The following SOX5 variants were observed in gnomAD, a reference collection of about 807,000 sequenced individuals.
The protein encoded by SOX5 is transcription factor SOX-5.
A neutral mutation model predicts 92.0 loss-of-function variants in SOX5; 9 were observed. The observed-to-expected ratio is 0.10, with a 90% CI of 0.06 to 0.17. SOX5 has a LOEUF of 0.17. Among genes scored for constraint, SOX5 ranks in the 10% least tolerant of loss-of-function variants. SOX5 has a pLI of 1.00. For missense variants in SOX5, 642 were observed against 944.5 expected, an observed-to-expected ratio of 0.68 and a Z score of 4.20; for synonymous variants, 344 against 336.3, an observed-to-expected ratio of 1.02 and a Z score of -0.25.
At chr12:24,239,538 G>T (rs553203497) in intron 3 of SOX5, among the ~76,000 whole-genome samples, 1 of 152,170 alleles carries the variant, frequency 6.6e-6, no homozygotes, top group South Asian at 2.1e-4. Context: ...AAAGGCAGAG[G>T]TGTCTCTTAT....
At position 23,718,113 on chromosome 12, in the gene SOX5, A is replaced by G. The variant is rs1239060300; in HGVS notation, c.810+16571T>C. On this transcript the variant is annotated intron_variant, in intron 6 of 14. Transcript: ENST00000451604. Reference sequence around the variant, plus strand: ...TTCTGCAAAGGAGTATATTTTTTAAAAAATCAAGCCATAAATATGTGTGTA... The same window carrying G: ...TTCTGCAAAGGAGTATATTTTTTAAGAAATCAAGCCATAAATATGTGTGTA... 2.0e-5 allele frequency among the ~76,000 whole-genome samples: 3 copies of G among 152,202 alleles called. No individual in the cohort carries two copies. The East Asian group carries it at 5.8e-4, about 29-fold the overall frequency.
At chr12:24,550,855 C>G (rs1953084426) in intron 1 of SOX5, among the ~76,000 whole-genome samples, 1 of 152,210 alleles carries the variant, frequency 6.6e-6, no homozygotes, top group African/African-American at 2.4e-5. Context: ...AGGGCTTGAG[C>G]CATGAGACAC....
intron 3 of SOX5, among the ~76,000 whole-genome samples, chr12:23,797,813 A>G (rs570223559): frequency 3.3e-5 from 5 of 152,176 alleles, no homozygotes; most frequent in Admixed American, 2.6e-4. Context: ...GATACTGTAC[A>G]ATGTAGCCTC....
chr12:23,921,816 C>A (rs751652195), intron 1 of SOX5, among the ~76,000 whole-genome samples: 1 of 152,114 alleles, frequency 6.6e-6, no homozygotes, highest in African/African-American at 2.4e-5. Context: ...TCTGGCAATA[C>A]CCATCACTGC....
Position 24,057,705 on chromosome 12 carries a change from C to T in SOX5, c.-2+155638G>A, listed in dbSNP as rs573340204. The stretch of plus-strand genomic sequence containing the variant: ...TTAAAAAAATTATAACTCCACAACA[C>T]AGGCAATAATATGTTACCACGTGTA... On this transcript the variant is annotated intron_variant, in intron 4 of 4. Transcript: ENST00000446891. Among the ~76,000 whole-genome samples, 11 of 152,278 alleles carry T rather than the reference C, an allele frequency of 7.2e-5. No individual in the cohort carries two copies. The East Asian group carries it at 1.9e-3, about 27-fold the overall frequency.
intron 3 of SOX5, among the ~76,000 whole-genome samples, chr12:24,248,011 T>C (rs1158435327): frequency 1.3e-5 from 2 of 152,188 alleles, no homozygotes; most frequent in Non-Finnish European, 2.9e-5. Flanking sequence ...TCTTTTAAGC[T>C]ACTTCTTATA....
intron 11 of SOX5, among the ~76,000 whole-genome samples, chr12:23,558,267 T>A (rs931634667): frequency 6.6e-6 from 1 of 152,184 alleles, no homozygotes; most frequent in Non-Finnish European, 1.5e-5. Flanking sequence ...TCATGATCAA[T>A]TTAAAGTAGT....
intron 7 of SOX5, among the ~76,000 whole-genome samples, chr12:23,654,741 A>G (rs1483079881): frequency 6.6e-6 from 1 of 152,132 alleles, no homozygotes; most frequent in Non-Finnish European, 1.5e-5. Flanking sequence ...CTAGAATAGT[A>G]TAATATGACT....
Position 23,530,604 on chromosome 12 carries a change from G to T in SOX5, c.*3615C>A, listed in dbSNP as rs527817753. On this transcript the variant is annotated 3_prime_UTR_variant, in exon 15 of 15. Transcript: ENST00000451604. ...CTAATTTAGGTATAAATGTGCTGAA[G>T]AATAGTTTTATATTTTATCCAATTG... is the stretch of plus-strand genomic sequence containing the variant. The T allele has an allele frequency of 3.9e-5, 6 of 152,236 alleles. No individual in the cohort carries two copies. The East Asian group carries it at 1.2e-3, about 29-fold the overall frequency. The allele number at this position is 152,236 out of a possible 1,614,324, so 9.4% of individuals were successfully genotyped here.
intron 6 of SOX5, among the ~76,000 whole-genome samples, chr12:23,692,690 A>G (rs551485979): frequency 2.6e-5 from 4 of 152,232 alleles, no homozygotes; most frequent in Middle Eastern, 3.4e-3. Context: ...TTCTTTTCAA[A>G]TATTCGGTAT....
At chr12:23,817,128 G>A (rs916851240) in intron 3 of SOX5, among the ~76,000 whole-genome samples, 1 of 152,212 alleles carries the variant, frequency 6.6e-6, no homozygotes, top group Non-Finnish European at 1.5e-5. Flanking sequence ...AGAGCAAATA[G>A]CATTTTAATG....
intron 2 of SOX5, among the ~76,000 whole-genome samples, chr12:23,891,313 G>A (rs747871887): frequency 1.4e-4 from 22 of 152,116 alleles, no homozygotes; most frequent in African/African-American, 1.2e-4. Context: ...GTTTCAAACC[G>A]TAACATTTGC....
intron 4 of SOX5, among the ~76,000 whole-genome samples, chr12:24,097,859 G>A (rs1945612880): frequency 6.6e-6 from 1 of 151,978 alleles, no homozygotes; most frequent in Non-Finnish European, 1.5e-5. Context: ...AAATGTAAAA[G>A]TCTACTGTAT....
intron 1 of SOX5, among the ~76,000 whole-genome samples, chr12:24,409,426 C>A (rs944676161): frequency 6.6e-6 from 1 of 152,226 alleles, no homozygotes; most frequent in South Asian, 2.1e-4. Flanking sequence ...AACAAACCTG[C>A]ACTTTCTGCA....
chr12:24,167,406 A>G (rs567140579), intron 4 of SOX5, among the ~76,000 whole-genome samples: 1 of 152,344 alleles, frequency 6.6e-6, no homozygotes, highest in African/African-American at 2.4e-5. Context: ...TTATAGAACT[A>G]GTGGCCTGTG....
chr12:24,359,509 TG>T (rs1955272157), intron 2 of SOX5, among the ~76,000 whole-genome samples: 1 of 152,296 alleles, frequency 6.6e-6, no homozygotes, highest in African/African-American at 2.4e-5. Context: ...CTAAAGAAAA[TG>T]GGCATGGAGG....
chr12:24,511,625 A>G (rs1325583110), intron 1 of SOX5, among the ~76,000 whole-genome samples: 2 of 152,208 alleles, frequency 1.3e-5, no homozygotes, highest in Non-Finnish European at 2.9e-5. Context: ...AGGTTGCTCA[A>G]TAAAAATCAT....
At chr12:23,975,824 C>G (rs1483282583) in intron 4 of SOX5, among the ~76,000 whole-genome samples, 2 of 152,132 alleles carry the variant, frequency 1.3e-5, no homozygotes, top group African/African-American at 2.4e-5. Flanking sequence ...GAAAGGAAGT[C>G]AATAGTTTTA....
intron 4 of SOX5, 90 bp from the exon 5 acceptor site, chr12:23,741,129 C>A (rs2093781372): frequency 1.1e-6 from 1 of 921,482 alleles, no homozygotes; most frequent in Non-Finnish European, 1.5e-6. Flanking sequence ...CAGAGCCAGT[C>A]CAAATATAAA....
Sources: allele counts gnomAD v4.1 joint callset (sites outside exome capture counted in the v4.1 genomes callset), GRCh38; gene constraint gnomAD v4.1.1; transcripts MANE v1.5; gene names NCBI Gene and HGNC (gene_info 2026-07-23, HGNC 2026-07-21).